Variants in CDKN2C observed in about 807,000 individuals in gnomAD.
CDKN2C encodes the protein cyclin dependent kinase inhibitor 2C.
In CDKN2C, 5 loss-of-function variants were observed where a neutral mutation model predicts 11.0. The observed-to-expected ratio is 0.45, with a 90% confidence interval of 0.24 to 0.95. CDKN2C has a LOEUF of 0.95. Among genes scored for constraint, CDKN2C ranks in the 40% least tolerant of loss-of-function variants. CDKN2C has a pLI of 0.21. For synonymous variants in CDKN2C, 79 were observed against 88.3 expected (o/e 0.89, Z 0.59); for missense variants, 161 against 211.9 (o/e 0.76, Z 1.49).
upstream of CDKN2C, among the ~76,000 whole-genome samples, chr1:50,966,334 C>T (rs537967845): frequency 2.6e-5 from 4 of 152,236 alleles, no homozygotes; most frequent in African/African-American, 4.8e-5. Flanking sequence ...TGAGCCACTG[C>T]GCCCGGCCAC....
chr1:50,961,477 C>G (rs1311939396), intron 1 of CDKN2C, among the ~76,000 whole-genome samples: 1 of 152,176 alleles, frequency 6.6e-6, no homozygotes, highest in Non-Finnish European at 1.5e-5. Context: ...TAATTGTCGT[C>G]CAGGTTAGAG....
upstream of CDKN2C, among the ~76,000 whole-genome samples, chr1:50,967,757 T>C (rs1645354306): frequency 6.6e-6 from 1 of 152,114 alleles, no homozygotes; most frequent in Non-Finnish European, 1.5e-5. Context: ...AATAAAGGAT[T>C]AGGAGAGAGA....
intron 1 of CDKN2C, among the ~76,000 whole-genome samples, chr1:50,965,110 T>A (rs961561497): frequency 7.1e-6 from 1 of 141,838 alleles, no homozygotes; most frequent in Non-Finnish European, 1.5e-5. Flanking sequence ...ATGCATCATA[T>A]TTTATAACCA....
intron 1 of CDKN2C, among the ~76,000 whole-genome samples, chr1:50,965,012 C>T (rs1377247722): frequency 6.6e-6 from 1 of 151,648 alleles, no homozygotes; most frequent in Non-Finnish European, 1.5e-5. Flanking sequence ...GAGATCGCGC[C>T]ACTGCACTCT....
upstream of CDKN2C, among the ~76,000 whole-genome samples, chr1:50,967,081 T>C (rs1461070052): frequency 6.6e-6 from 1 of 152,210 alleles, no homozygotes; most frequent in African/African-American, 2.4e-5. Context: ...TCTTTACAAT[T>C]TATCTCTAAG....
chr1:50,965,104 A>G (rs1289839502), intron 1 of CDKN2C, among the ~76,000 whole-genome samples: 2 of 152,200 alleles, frequency 1.3e-5, no homozygotes. Context: ...ATAGATATGC[A>G]TCATATTTTA....
At chr1:50,960,944 G>T in intron 1 of CDKN2C, 1 of 152,280 alleles carries the variant, frequency 6.6e-6, no homozygotes, top group East Asian at 1.9e-4. Flanking sequence ...AGTTATATTT[G>T]TTTTTTTAAG....
intron 1 of CDKN2C, among the ~76,000 whole-genome samples, chr1:50,971,920 A>G (rs1645383073): frequency 2.0e-5 from 3 of 152,182 alleles, no homozygotes; most frequent in African/African-American, 7.2e-5. Context: ...ACACACACAC[A>G]GAAACTGGAG....
chr1:50,973,785 C>G, intron 1 of CDKN2C, 108 bp from the exon 2 acceptor site: 3 of 1,369,012 alleles, frequency 2.2e-6, no homozygotes, highest in Middle Eastern at 2.0e-4. Flanking sequence ...TCCGCAAGAA[C>G]TCCATCAAAA....
chr1:50,974,324 T>C lies in CDKN2C; in HGVS notation c.*54T>C. ...CTACTTTATCAATTAACTGAGTAGC[T>C]CTCCTGACTTTTAATGTCATTTGTT... On this transcript the variant is annotated 3_prime_UTR_variant, in exon 2 of 2. Transcript: ENST00000371761. 6.7e-7 allele frequency: 1 copy of C among 1,486,562 alleles called. No individual in the cohort carries two copies. The allele number at this position is 1,486,562 out of a possible 1,614,324, so 92.1% of individuals were successfully genotyped here. A position where few individuals can be genotyped will look rare whatever the true frequency, so the allele number is the denominator to read the frequency against.
upstream of CDKN2C, among the ~76,000 whole-genome samples, chr1:50,965,777 C>A (rs772035974): frequency 2.6e-4 from 39 of 151,572 alleles, no homozygotes; most frequent in Non-Finnish European, 4.7e-4. Context: ...ATGAAAAAAA[C>A]CACTGAATCT....
At chr1:50,970,169 G>A, upstream of CDKN2C, 1 of 644,118 alleles carries the variant, frequency 1.6e-6, no homozygotes, top group East Asian at 2.8e-5. Context: ...CAGTTTTGCT[G>A]AATAATCACG....
At chr1:50,971,290 T>A (rs765165141) in intron 1 of CDKN2C, among the ~76,000 whole-genome samples, 3 of 152,250 alleles carry the variant, frequency 2.0e-5, no homozygotes, top group Non-Finnish European at 2.9e-5. Context: ...CAAAATAGTT[T>A]AAAATAGTTG....
upstream of CDKN2C, chr1:50,968,305 T>G (rs900333636): frequency 6.6e-6 from 1 of 152,438 alleles, no homozygotes. Flanking sequence ...ACTCCCTTTA[T>G]GCCAGCTCGC....
chr1:50,971,209 C>T (rs1001048828), intron 1 of CDKN2C, among the ~76,000 whole-genome samples: 2 of 152,122 alleles, frequency 1.3e-5, no homozygotes, highest in Non-Finnish European at 2.9e-5. Context: ...AAGTATTGTA[C>T]CTGATAATTT....
rs766360495 is a variant in CDKN2C, at chr1:50,970,469, A to G, written c.101A>G (p.Gln34Arg). The change falls in exon 1 of 2, where the codon CAA becomes CGA. Residue 34 changes from glutamine to arginine, a missense_variant. Physicochemically the swap from Gln to Arg is conservative, Grantham distance 43. Transcript: ENST00000371761. ...CAAAATAATGTAAACGTCAATGCAC[A>G]AAATGGATTTGGAAGGACTGCGCTG... ...LLQNNVNVNA[Q>R]NGFGRTALQV... is the part of the protein sequence containing the mutation. The G allele has an allele frequency of 1.5e-5, 24 of 1,614,096 alleles. No individual in the cohort carries two copies. The highest frequency in any genetic ancestry group is 1.9e-5 in the Non-Finnish European group (22 of 1,180,050).
intron 1 of CDKN2C, among the ~76,000 whole-genome samples, chr1:50,973,293 A>G (rs1645390154): frequency 6.6e-6 from 1 of 152,228 alleles, no homozygotes; most frequent in Non-Finnish European, 1.5e-5. Flanking sequence ...AGCTATATCT[A>G]TTTGGAGGGA....
At chr1:50,961,111 C>T (rs1214682776) in intron 1 of CDKN2C, among the ~76,000 whole-genome samples, 4 of 152,110 alleles carry the variant, frequency 2.6e-5, no homozygotes, top group African/African-American at 9.7e-5. Flanking sequence ...TCTCGGCTCG[C>T]TGCGACCTCC....
chr1:50,965,065 G>GATAGATAT (rs1645341483), intron 1 of CDKN2C, among the ~76,000 whole-genome samples: 1 of 149,026 alleles, frequency 6.7e-6, no homozygotes. Context: ...AATATAGATA[G>GATAGATAT]ATAGATAGAT....
Sources: gnomAD v4.1 joint callset for allele counts (sites outside exome capture counted in the v4.1 genomes callset) on GRCh38, gnomAD v4.1.1 for gene constraint, MANE v1.5 for transcripts, NCBI Gene and HGNC (gene_info 2026-07-23, HGNC 2026-07-21) for gene names.